The following RHOH variants were observed in gnomAD, a reference collection of about 807,000 sequenced individuals.
RHOH encodes ras homolog family member H.
In RHOH, 6 loss-of-function variants were observed where a neutral mutation model predicts 13.8. The ratio of observed to expected loss-of-function variants is 0.44; its 90% confidence interval spans 0.24 to 0.86. The LOEUF (loss-of-function observed/expected upper bound fraction) is 0.86, where lower values mean the gene tolerates loss of function less well. Among genes scored for constraint, RHOH ranks in the 40% least tolerant of loss-of-function variants. The pLI, the probability that RHOH is intolerant of heterozygous loss-of-function variation, is 0.24. For missense variants in RHOH, 147 were observed against 244.5 expected, an observed-to-expected ratio of 0.60 and a Z score of 2.66; for synonymous variants, 117 against 103.0, an observed-to-expected ratio of 1.14 and a Z score of -0.82.
intron 1 of RHOH, chr4:40,200,434 C>T (rs554320143): frequency 1.3e-5 from 2 of 152,216 alleles, no homozygotes; most frequent in South Asian, 2.1e-4. Context: ...CATACCCCAG[C>T]CCTCACGTGA....
chr4:40,243,343 T>A lies in RHOH; in HGVS notation c.-44T>A, dbSNP rs976317316. ...TGCAGCTGCCCACTGAGGGCTCTTT[T>A]CCCTGGGATTCTGGACTTCAGAGTA... On this transcript the variant is annotated 5_prime_UTR_variant, in exon 3 of 3. Coordinates refer to ENST00000381799, the MANE Select transcript of RHOH (RefSeq NM_004310.5). The surrounding 1 kb of genome is among the most constrained non-coding windows in gnomAD (Gnocchi z 6.2). 4.6e-6 allele frequency: 7 copies of A among 1,517,100 alleles called. No homozygotes were observed. The highest frequency in any genetic ancestry group is 4.4e-6 in the Non-Finnish European group (5 of 1,128,378). 94.0% of individuals were successfully genotyped at this position (1,517,100 alleles called of 1,614,324 possible). A position where few individuals can be genotyped will look rare whatever the true frequency, so the allele number is the denominator to read the frequency against.
chr4:40,226,980 G>A (rs964138280), intron 1 of RHOH, among the ~76,000 whole-genome samples: 2 of 152,098 alleles, frequency 1.3e-5, no homozygotes, highest in Non-Finnish European at 2.9e-5. Flanking sequence ...CCAACATGGC[G>A]AAATCCCGTT....
chr4:40,194,746 C>T (rs1404049442), upstream of RHOH, among the ~76,000 whole-genome samples: 10 of 152,200 alleles, frequency 6.6e-5, no homozygotes, highest in Non-Finnish European at 1.3e-4. Context: ...CACATTCTTA[C>T]TAATCTCCTG....
intron 1 of RHOH, among the ~76,000 whole-genome samples, chr4:40,236,509 G>A (rs773116223): frequency 2.0e-5 from 3 of 151,910 alleles, no homozygotes; most frequent in Admixed American, 6.6e-5. Flanking sequence ...GTAACTTACC[G>A]GCTGGCTGCG....
intron 1 of RHOH, among the ~76,000 whole-genome samples, chr4:40,208,888 T>A (rs1189372092): frequency 6.6e-6 from 1 of 151,948 alleles, no homozygotes; most frequent in Admixed American, 6.6e-5. Flanking sequence ...GTATTTATAA[T>A]ATAAAAAGGC....
upstream of RHOH, among the ~76,000 whole-genome samples, chr4:40,193,333 C>G (rs575478115): frequency 6.6e-6 from 1 of 152,334 alleles, no homozygotes; most frequent in South Asian, 2.1e-4. Flanking sequence ...AACCCCATCC[C>G]AAGGACAGAC....
chr4:40,195,490 T>C (rs1723053796), upstream of RHOH, among the ~76,000 whole-genome samples: 1 of 151,076 alleles, frequency 6.6e-6, no homozygotes, highest in African/African-American at 2.4e-5. Context: ...CGAGACAGGG[T>C]CTTGCTGTGT....
intron 1 of RHOH, among the ~76,000 whole-genome samples, chr4:40,214,809 C>G (rs907932517): frequency 2.0e-5 from 3 of 152,070 alleles, no homozygotes; most frequent in African/African-American, 7.2e-5. Context: ...AATGCATATT[C>G]TTGGATCATT....
chr4:40,239,008 G>A (rs1412622639), intron 1 of RHOH, among the ~76,000 whole-genome samples: 3 of 152,042 alleles, frequency 2.0e-5, no homozygotes, highest in Non-Finnish European at 2.9e-5. Flanking sequence ...ATAGGGTATG[G>A]CTCTGCCTTG....
chr4:40,197,870 A>G (rs1723410398), intron 1 of RHOH, among the ~76,000 whole-genome samples: 1 of 152,188 alleles, frequency 6.6e-6, no homozygotes, highest in Non-Finnish European at 1.5e-5. Context: ...GAGATATGCT[A>G]CGAGGTACCA....
At chr4:40,221,748 G>C (rs1464340807) in intron 1 of RHOH, among the ~76,000 whole-genome samples, 1 of 152,154 alleles carries the variant, frequency 6.6e-6, no homozygotes, top group Non-Finnish European at 1.5e-5. Context: ...CAGTGTTTAA[G>C]TGAAAGGAAG....
rs1174559532 is a variant in RHOH at position 40,246,385 on chromosome 4, A to AGG, written c.*2425_*2426dup. On this transcript the variant is annotated 3_prime_UTR_variant, in exon 3 of 3. Transcript: ENST00000381799. ...GCAGAGCAGGAAGGGAAGGCCAGAG[A>AGG]GGGCACACTCAAATGGCTTTGCTGT... is the stretch of plus-strand genomic sequence containing the variant. 6.6e-6 allele frequency: 1 copy of AGG among 152,510 alleles called. No homozygotes were observed. Among genetic ancestry groups the AGG allele is most frequent in the Non-Finnish European group, 1.5e-5 (1 of 68,192 alleles). 9.4% of individuals were successfully genotyped at this position (152,510 alleles called of 1,614,324 possible).
intron 1 of RHOH, among the ~76,000 whole-genome samples, chr4:40,216,762 G>A (rs1391760072): frequency 2.0e-5 from 3 of 152,304 alleles, no homozygotes; most frequent in East Asian, 3.9e-4. Flanking sequence ...CTTAGGACAA[G>A]GCCATATGAG....
intron 1 of RHOH, among the ~76,000 whole-genome samples, chr4:40,199,742 A>G (rs1723717042): frequency 6.6e-6 from 1 of 152,204 alleles, no homozygotes; most frequent in Non-Finnish European, 1.5e-5. Context: ...CACAGCTAAA[A>G]TTCCATTTCT....
At chr4:40,210,209 T>G (rs1305847291) in intron 1 of RHOH, among the ~76,000 whole-genome samples, 2 of 152,066 alleles carry the variant, frequency 1.3e-5, no homozygotes, top group African/African-American at 2.4e-5. Context: ...AGCTGATCAA[T>G]GAACAATGCT....
chr4:40,241,696 C>G (rs1046554198), intron 1 of RHOH, among the ~76,000 whole-genome samples: 2 of 151,934 alleles, frequency 1.3e-5, no homozygotes, highest in African/African-American at 2.4e-5. Context: ...CATGACCAGC[C>G]TGGGCAACAT....
intron 1 of RHOH, among the ~76,000 whole-genome samples, chr4:40,221,595 T>C (rs932337908): frequency 6.6e-6 from 1 of 152,210 alleles, no homozygotes; most frequent in Non-Finnish European, 1.5e-5. Context: ...CCATATAAGA[T>C]AGCAAACTTA....
chr4:40,236,518 C>T (rs6834534), intron 1 of RHOH, among the ~76,000 whole-genome samples: 1 of 152,064 alleles, frequency 6.6e-6, no homozygotes, highest in African/African-American at 2.4e-5. Context: ...CGGCTGGCTG[C>T]GGTGGCTCAT....
chr4:40,239,154 C>G (rs1446533269), intron 1 of RHOH, among the ~76,000 whole-genome samples: 1 of 152,184 alleles, frequency 6.6e-6, no homozygotes, highest in Non-Finnish European at 1.5e-5. Flanking sequence ...TTCGTATTCA[C>G]TGCAGCAGGT....
Sources: gnomAD v4.1 joint callset for allele counts (sites outside exome capture counted in the v4.1 genomes callset) on GRCh38, gnomAD v4.1.1 for gene constraint, Gnocchi (gnomAD v3.1) non-coding constraint, MANE v1.5 for transcripts, NCBI Gene and HGNC (gene_info 2026-07-23, HGNC 2026-07-21) for gene names.